Variants in RANBP17 observed in about 807,000 individuals in gnomAD.
RANBP17 encodes the protein ran-binding protein 17.
In RANBP17, 158 loss-of-function variants were observed where a neutral mutation model predicts 141.2. That is an observed-to-expected ratio of 1.12 (90% confidence interval 0.98 to 1.28). The LOEUF is 1.28. Ranked by LOEUF, RANBP17 falls within the 50% of genes most tolerant of loss-of-function variation. RANBP17 has a pLI of 0.00. For missense variants in RANBP17, 1,438 were observed against 1,290.7 expected, an observed-to-expected ratio of 1.11 and a Z score of -1.75; for synonymous variants, 430 against 450.0, an observed-to-expected ratio of 0.96 and a Z score of 0.56.
At chr5:171,101,724 G>A (rs546664225) in intron 14 of RANBP17, among the ~76,000 whole-genome samples, 1 of 152,292 alleles carries the variant, frequency 6.6e-6, no homozygotes, top group South Asian at 2.1e-4. Flanking sequence ...TTTTGCAGTG[G>A]CTAGTACTGG....
chr5:170,873,112 C>G (rs896056871), intron 1 of RANBP17, among the ~76,000 whole-genome samples: 1 of 152,020 alleles, frequency 6.6e-6, no homozygotes, highest in African/African-American at 2.4e-5. Context: ...GGTTTTGCCA[C>G]GTTGGCCAGA....
chr5:170,876,899 A>G (rs141086835), intron 1 of RANBP17, among the ~76,000 whole-genome samples: 1 of 152,314 alleles, frequency 6.6e-6, no homozygotes, highest in African/African-American at 2.4e-5. Flanking sequence ...TGCCTACCTG[A>G]CATTGAAATC....
intron 4 of RANBP17, among the ~76,000 whole-genome samples, chr5:170,895,647 A>G (rs1770051013): frequency 6.6e-6 from 1 of 152,212 alleles, no homozygotes; most frequent in Admixed American, 6.5e-5. Flanking sequence ...CTCTATCTCA[A>G]TAGGCTTTAA....
chr5:171,176,175 G>A (rs1054572626), intron 16 of RANBP17, among the ~76,000 whole-genome samples: 3 of 152,072 alleles, frequency 2.0e-5, no homozygotes, highest in Admixed American at 2.0e-4. Context: ...CCATATGCAT[G>A]ATAAATCTAT....
chr5:171,291,646 A>T (rs893171267), intron 25 of RANBP17, among the ~76,000 whole-genome samples: 1 of 152,164 alleles, frequency 6.6e-6, no homozygotes, highest in African/African-American at 2.4e-5. Flanking sequence ...TAAGCATTTC[A>T]TCCAGTATTC....
At chr5:171,177,636 G>A (rs1760574662) in intron 16 of RANBP17, among the ~76,000 whole-genome samples, 1 of 152,066 alleles carries the variant, frequency 6.6e-6, no homozygotes, top group South Asian at 2.1e-4. Flanking sequence ...TTCAGTCTTG[G>A]CTAAAGACTT....
At chr5:171,286,149 G>A (rs941151123) in intron 25 of RANBP17, among the ~76,000 whole-genome samples, 15 of 152,202 alleles carry the variant, frequency 9.9e-5, no homozygotes, top group East Asian at 9.6e-4. Context: ...TTAGCTTTCC[G>A]TAAGGAGGGG....
intron 14 of RANBP17, among the ~76,000 whole-genome samples, chr5:171,097,619 T>C (rs1786789773): frequency 1.4e-5 from 2 of 143,230 alleles, no homozygotes; most frequent in South Asian, 4.2e-4. Context: ...TTATTATTAT[T>C]ATTATTATTA....
intron 25 of RANBP17, among the ~76,000 whole-genome samples, chr5:171,267,052 A>G (rs1766759465): frequency 8.6e-6 from 1 of 116,344 alleles, no homozygotes; most frequent in African/African-American, 3.5e-5. Context: ...TTTTTGAGAC[A>G]GGGTCTCACT....
chr5:171,221,647 AG>A, intron 21 of RANBP17, 110 bp from the exon 22 acceptor site: 1 of 676,444 alleles, frequency 1.5e-6, no homozygotes. Context: ...TGGAACTTTA[AG>A]AGACAATTGT....
At chr5:170,922,786 A>G (rs146226646) in intron 11 of RANBP17, among the ~76,000 whole-genome samples, 4,896 of 152,098 alleles carry the variant, frequency 0.032, 263 homozygotes, top group African/African-American at 0.11. Context: ...GGGTGAGGCG[A>G]CGCCCTGCCC....
chr5:171,180,509 TTATC>T (rs1479049057), intron 16 of RANBP17, among the ~76,000 whole-genome samples: 2 of 152,156 alleles, frequency 1.3e-5, no homozygotes, highest in Admixed American at 1.3e-4. Context: ...TTGCCATAAT[TTATC>T]TAGTGCTCCA....
intron 24 of RANBP17, among the ~76,000 whole-genome samples, chr5:171,258,118 T>TACAC (rs34304503): frequency 0.026 from 3,371 of 128,224 alleles, 53 homozygotes; most frequent in Middle Eastern, 0.048. Context: ...AAAAAAAAAA[T>TACAC]ACACACACAC....
At chr5:171,224,596 A>G (rs1396550181) in intron 22 of RANBP17, among the ~76,000 whole-genome samples, 1 of 152,200 alleles carries the variant, frequency 6.6e-6, no homozygotes, top group Admixed American at 6.5e-5. Context: ...AAAAGTTGAG[A>G]AAAATAACTA....
intron 14 of RANBP17, among the ~76,000 whole-genome samples, chr5:171,127,247 A>C (rs1412846684): frequency 6.6e-6 from 1 of 152,254 alleles, no homozygotes; most frequent in African/African-American, 2.4e-5. Flanking sequence ...CAATAGATGC[A>C]GAAAAACATT....
intron 14 of RANBP17, among the ~76,000 whole-genome samples, chr5:171,060,519 G>C (rs1423247615): frequency 2.0e-5 from 3 of 152,134 alleles, no homozygotes; most frequent in Admixed American, 1.3e-4. Flanking sequence ...AAGCCCACTT[G>C]ATCATGGTGG....
chr5:171,098,445 G>C (rs544090320), intron 14 of RANBP17, among the ~76,000 whole-genome samples: 1 of 152,140 alleles, frequency 6.6e-6, no homozygotes, highest in African/African-American at 2.4e-5. Flanking sequence ...CTTTTGAGAA[G>C]TGTCTGTTCA....
chr5:171,110,861 T>A lies in RANBP17; in HGVS notation c.1711-59269T>A, dbSNP rs199562270. 4.9e-3 allele frequency among the ~76,000 whole-genome samples: 660 copies of A among 134,194 alleles called. 12 individuals carry two copies. The East Asian group carries it at 0.1, about 20-fold the overall frequency. The allele number at this position is 134,194 out of a possible 152,430, so 88.0% of individuals were successfully genotyped here. ...GTAATAAGAATGTCTTTTTTTTTTT[T>A]AATTTTTTTTTTATTATACTTTAAG... On this transcript the variant is annotated intron_variant, in intron 14 of 27. Transcript: ENST00000523189.
rs138331495 is a variant in RANBP17 at position 171,072,068 on chromosome 5, C to T, written c.1711-98062C>T. Among the ~76,000 whole-genome samples the T allele has an allele frequency of 1.8e-3, 274 of 152,040 alleles. 2 individuals carry two copies. Among genetic ancestry groups the T allele is most frequent in the Non-Finnish European group, 3.3e-3 (223 of 67,940 alleles). ...TAAGTGTGATAGGAAGAATAATGCC[C>T]CCACACCCCCATCACCCAAAGATGC... On this transcript the variant is annotated intron_variant, in intron 14 of 27. Transcript: ENST00000523189.
Sources: gnomAD v4.1 joint callset for allele counts (sites outside exome capture counted in the v4.1 genomes callset) on GRCh38, gnomAD v4.1.1 for gene constraint, MANE v1.5 for transcripts, NCBI Gene and HGNC (gene_info 2026-07-23, HGNC 2026-07-21) for gene names.